The following STAT4 variants were observed in gnomAD, a reference collection of about 807,000 sequenced individuals.
STAT4 encodes the protein signal transducer and activator of transcription 4.
STAT4 carries 42 observed loss-of-function variants against 110.5 expected under a neutral mutation model. The observed-to-expected ratio is 0.38, with a 90% CI of 0.30 to 0.49. STAT4 has a LOEUF of 0.49. STAT4 is among the 20% of genes least tolerant of loss of function. The pLI, the probability that STAT4 is intolerant of heterozygous loss-of-function variation, is 0.95. For missense variants in STAT4, 632 were observed against 887.9 expected, an observed-to-expected ratio of 0.71 and a Z score of 3.66; for synonymous variants, 284 against 302.2, an observed-to-expected ratio of 0.94 and a Z score of 0.63.
intron 3 of STAT4, among the ~76,000 whole-genome samples, chr2:191,089,242 C>T (rs1316864699): frequency 1.3e-5 from 2 of 151,876 alleles, no homozygotes; most frequent in African/African-American, 4.8e-5. Flanking sequence ...AAAAATGGGC[C>T]AAATACCATA....
At chr2:191,101,008 T>C (rs951260317) in intron 3 of STAT4, among the ~76,000 whole-genome samples, 5 of 152,066 alleles carry the variant, frequency 3.3e-5, no homozygotes, top group Admixed American at 2.6e-4. Context: ...TAAGCCACTT[T>C]TACCTCTTTT....
intron 3 of STAT4, among the ~76,000 whole-genome samples, chr2:191,141,759 T>C (rs932319895): frequency 2.0e-5 from 3 of 151,764 alleles, no homozygotes; most frequent in Non-Finnish European, 2.9e-5. Context: ...GCCTCCTGAG[T>C]AGCTGGGATT....
In STAT4 at chr2:191,032,868, G is replaced by T. The variant is rs1280613224; in HGVS notation, c.2044+90C>A. 3.1e-6 allele frequency: 4 copies of T among 1,300,290 alleles called. No homozygotes were observed. The highest frequency in any genetic ancestry group is 4.2e-6 in the Non-Finnish European group (4 of 942,250). The allele number at this position is 1,300,290 out of a possible 1,614,324, so 80.5% of individuals were successfully genotyped here. On this transcript the variant is annotated intron_variant, in intron 21 of 23. Coordinates refer to ENST00000392320, the MANE Select transcript of STAT4 (RefSeq NM_003151.4). The surrounding 1 kb of genome is among the most constrained non-coding windows in gnomAD (Gnocchi z 4.9). ...ATCTTACAGAAATCAGAGTAAACAA[G>T]AAGGGGAACTTCATTTACTTTGCTC...
At chr2:191,148,346 T>G (rs753050966) in intron 1 of STAT4, 142 bp from the exon 2 acceptor site, 20 of 1,081,326 alleles carry the variant, frequency 1.8e-5, no homozygotes, top group Non-Finnish European at 2.6e-5. Flanking sequence ...AAGGTTTTTT[T>G]TCATAATTCA....
In STAT4 at chr2:191,113,368, C is replaced by G. The variant is rs1417723194; in HGVS notation, c.273+33245G>C. Among the ~76,000 whole-genome samples the G allele has an allele frequency of 6.6e-6, 1 of 152,156 alleles. No individual in the cohort carries two copies. Among genetic ancestry groups the G allele is most frequent in the Admixed American group, 6.6e-5 (1 of 15,260 alleles). ...CCTATATTACAGTTGTTCCTTTGAT[C>G]TTGAGAGCTCCAACAGGGTTATAGT... On this transcript the variant is annotated intron_variant, in intron 3 of 23. Coordinates refer to ENST00000392320, the MANE Select transcript of STAT4 (RefSeq NM_003151.4). This position sits in a 1 kb window ranked among gnomAD's most constrained non-coding sequence, Gnocchi z 4.8.
In STAT4 at chr2:191,033,283, G is replaced by C; in HGVS notation, c.1853-134C>G. ...ATGTCACTTCAATGTCAGACCTTCT[G>C]CTGTCTGGACAGTATAGATTGTGCA... On this transcript the variant is annotated intron_variant, in intron 20 of 23. Coordinates refer to ENST00000392320, the MANE Select transcript of STAT4 (RefSeq NM_003151.4). This position sits in a 1 kb window ranked among gnomAD's most constrained non-coding sequence, Gnocchi z 6.9. 8.7e-7 allele frequency: 1 copy of C among 1,151,678 alleles called. No individual in the cohort carries two copies. The highest frequency in any genetic ancestry group is 1.2e-6 in the Non-Finnish European group (1 of 821,740). The allele number at this position is 1,151,678 out of a possible 1,614,324, so 71.3% of individuals were successfully genotyped here.
At chr2:191,054,386 T>C in intron 14 of STAT4, 104 bp downstream of exon 14, 1 of 954,194 alleles carries the variant, frequency 1.0e-6, no homozygotes, top group East Asian at 2.5e-5. Context: ...GAGAAAAACA[T>C]GAATTTGATT....
chr2:191,118,567 T>C (rs1698630774), intron 3 of STAT4, among the ~76,000 whole-genome samples: 1 of 152,216 alleles, frequency 6.6e-6, no homozygotes, highest in South Asian at 2.1e-4. Flanking sequence ...AATAGTGCTA[T>C]AAGTTGCATG....
At chr2:191,079,924 G>A (rs1216116165) in intron 3 of STAT4, among the ~76,000 whole-genome samples, 4 of 152,026 alleles carry the variant, frequency 2.6e-5, no homozygotes, top group African/African-American at 7.2e-5. Context: ...GGGTACAAAT[G>A]TTTCATACAG....
chr2:191,126,110 C>G (rs1253313574), intron 3 of STAT4, among the ~76,000 whole-genome samples: 1 of 152,202 alleles, frequency 6.6e-6, no homozygotes, highest in African/African-American at 2.4e-5. Flanking sequence ...TAATTTTGAA[C>G]TGATTTGGAT....
chr2:191,031,442 T>C lies in STAT4; in HGVS notation c.2111+8A>G, dbSNP rs1382202079. The C allele has an allele frequency of 6.2e-7, 1 of 1,611,424 alleles. No homozygotes were observed. Among genetic ancestry groups the C allele is most frequent in the Non-Finnish European group, 8.5e-7 (1 of 1,178,862 alleles). ...AAAAATATTTCACATGTGACTAACA[T>C]TACTCACATTGTTGAGATGGGGATA... On this transcript the variant is annotated splice_region_variant and intron_variant, in intron 22 of 23. Transcript: ENST00000392320. The surrounding 1 kb of genome is among the most constrained non-coding windows in gnomAD (Gnocchi z 4.8).
chr2:191,057,280 C>T (rs756438218), intron 13 of STAT4, among the ~76,000 whole-genome samples: 12 of 152,160 alleles, frequency 7.9e-5, no homozygotes, highest in Admixed American at 1.3e-4. Flanking sequence ...TCTTTCTGTG[C>T]CTGGCTTATT....
chr2:191,036,803 G>A (rs1338171150), intron 16 of STAT4, among the ~76,000 whole-genome samples: 1 of 152,202 alleles, frequency 6.6e-6, no homozygotes, highest in Non-Finnish European at 1.5e-5. Context: ...GGTTGCTGCA[G>A]ATCCATACAT....
chr2:191,137,233 C>T (rs1699204532), intron 3 of STAT4, among the ~76,000 whole-genome samples: 1 of 151,998 alleles, frequency 6.6e-6, no homozygotes, highest in South Asian at 2.1e-4. Context: ...GTCCCAGCTA[C>T]TCTTCTCGGG....
At chr2:191,137,993 C>G (rs1699225289) in intron 3 of STAT4, among the ~76,000 whole-genome samples, 1 of 151,958 alleles carries the variant, frequency 6.6e-6, no homozygotes, top group Non-Finnish European at 1.5e-5. Flanking sequence ...AAAACAAAAA[C>G]AAAAATAGAT....
intron 1 of STAT4, among the ~76,000 whole-genome samples, chr2:191,149,316 CT>C (rs1699534788): frequency 6.6e-6 from 1 of 152,002 alleles, no homozygotes; most frequent in South Asian, 2.1e-4. Context: ...TTTTGAGCAC[CT>C]TTTCCCTGAG....
intron 3 of STAT4, among the ~76,000 whole-genome samples, chr2:191,120,717 G>T (rs1286590351): frequency 6.6e-6 from 1 of 152,166 alleles, no homozygotes; most frequent in African/African-American, 2.4e-5. Flanking sequence ...AAACTGGCTA[G>T]CCATATGTAG....
intron 3 of STAT4, among the ~76,000 whole-genome samples, chr2:191,145,688 C>A (rs570383613): frequency 1.3e-5 from 2 of 152,260 alleles, no homozygotes; most frequent in South Asian, 4.1e-4. Context: ...ATGTCAAGAA[C>A]ATTTCTATTA....
intron 14 of STAT4, among the ~76,000 whole-genome samples, chr2:191,047,892 C>T (rs1339628095): frequency 1.3e-5 from 2 of 152,184 alleles, no homozygotes; most frequent in African/African-American, 4.8e-5. Flanking sequence ...TCTTGAACTC[C>T]TGAGCTCAAG....
Sources: gnomAD v4.1 joint callset for allele counts (sites outside exome capture counted in the v4.1 genomes callset) on GRCh38, gnomAD v4.1.1 for gene constraint, Gnocchi (gnomAD v3.1) non-coding constraint, MANE v1.5 for transcripts, NCBI Gene and HGNC (gene_info 2026-07-23, HGNC 2026-07-21) for gene names.